The following MYRFL variants were observed in gnomAD, a reference collection of about 807,000 sequenced individuals.
The protein encoded by MYRFL is myelin regulatory factor-like protein.
A neutral mutation model predicts 109.4 loss-of-function variants in MYRFL; 88 were observed. That is an observed-to-expected ratio of 0.80 (90% confidence interval 0.68 to 0.96). MYRFL has a LOEUF of 0.96. Among genes scored for constraint, MYRFL ranks in the 40% least tolerant of loss-of-function variants. MYRFL has a pLI of 0.00. For synonymous variants in MYRFL, 324 were observed against 320.9 expected (o/e 1.01, Z -0.10); for missense variants, 957 against 954.9 (o/e 1.00, Z -0.03).
At chr12:69,887,859 A>G (rs1023368798) in intron 6 of MYRFL, among the ~76,000 whole-genome samples, 3 of 152,112 alleles carry the variant, frequency 2.0e-5, no homozygotes, top group African/African-American at 7.2e-5. Flanking sequence ...AAATGTCATG[A>G]CTTTGTGTCT....
chr12:69,861,305 T>A (rs1189110610), intron 2 of MYRFL, among the ~76,000 whole-genome samples: 1 of 152,152 alleles, frequency 6.6e-6, no homozygotes, highest in African/African-American at 2.4e-5. Context: ...TAGTTCTAGA[T>A]CCCTGAGGAA....
chr12:69,918,200 T>C (rs999982127), intron 13 of MYRFL, among the ~76,000 whole-genome samples: 2 of 152,166 alleles, frequency 1.3e-5, no homozygotes, highest in Non-Finnish European at 1.5e-5. Flanking sequence ...GGCTTGGAAG[T>C]GGCCCCTCCA....
intron 14 of MYRFL, 69 bp downstream of exon 14, chr12:69,926,803 C>A: frequency 7.9e-7 from 1 of 1,263,428 alleles, no homozygotes; most frequent in African/African-American, 1.5e-5. Context: ...AGAATAAGAT[C>A]AATCTAAATG....
At chr12:69,914,495 C>T (rs1056751955) in intron 13 of MYRFL, among the ~76,000 whole-genome samples, 3 of 152,114 alleles carry the variant, frequency 2.0e-5, no homozygotes, top group Non-Finnish European at 2.9e-5. Flanking sequence ...CTAGAACACT[C>T]GAAGTGTTCC....
At chr12:69,831,698 T>C (rs1169605810) in intron 1 of MYRFL, among the ~76,000 whole-genome samples, 1 of 152,168 alleles carries the variant, frequency 6.6e-6, no homozygotes, top group Non-Finnish European at 1.5e-5. Flanking sequence ...TATTATTTTC[T>C]CCGTTTAGCA....
chr12:69,858,119 G>A (rs1884413175), intron 2 of MYRFL, among the ~76,000 whole-genome samples: 2 of 151,638 alleles, frequency 1.3e-5, no homozygotes, highest in South Asian at 4.2e-4. Flanking sequence ...TTGATTATAT[G>A]TTTTTTCTTC....
chr12:69,834,276 A>G (rs909718993), intron 1 of MYRFL, among the ~76,000 whole-genome samples: 2 of 152,202 alleles, frequency 1.3e-5, no homozygotes, highest in Non-Finnish European at 2.9e-5. Context: ...ATAAGAAGTA[A>G]TGTGTTCTGA....
At chr12:69,918,352 T>C (rs1954813100) in intron 13 of MYRFL, among the ~76,000 whole-genome samples, 1 of 151,976 alleles carries the variant, frequency 6.6e-6, no homozygotes, top group African/African-American at 2.4e-5. Flanking sequence ...TTAGGGCCTG[T>C]AGAGGAAGAA....
chr12:69,889,218 G>C (rs1191049733), intron 6 of MYRFL, among the ~76,000 whole-genome samples: 2 of 151,744 alleles, frequency 1.3e-5, no homozygotes, highest in African/African-American at 4.8e-5. Context: ...CTTCTTTCTT[G>C]AGAAGAAACC....
chr12:69,857,581 T>A (rs1260337425), intron 2 of MYRFL, among the ~76,000 whole-genome samples: 1 of 151,850 alleles, frequency 6.6e-6, no homozygotes, highest in Non-Finnish European at 1.5e-5. Context: ...TTTTATAGTT[T>A]TCAACATAAA....
intron 1 of MYRFL, among the ~76,000 whole-genome samples, chr12:69,848,054 T>G (rs1883660811): frequency 1.3e-5 from 2 of 152,128 alleles, no homozygotes; most frequent in Non-Finnish European, 2.9e-5. Context: ...GGTGTAGAGG[T>G]GAGACTCTAG....
intron 21 of MYRFL, 88 bp from the exon 22 acceptor site, chr12:69,955,275 T>C (rs1592905474): frequency 2.1e-6 from 1 of 474,578 alleles, no homozygotes; most frequent in East Asian, 3.3e-5. Flanking sequence ...ATTTCACAGT[T>C]TTTATGGTAT....
chr12:69,841,936 G>C (rs1318014491), intron 1 of MYRFL, among the ~76,000 whole-genome samples: 1 of 152,122 alleles, frequency 6.6e-6, no homozygotes, highest in Non-Finnish European at 1.5e-5. Context: ...TCCTCTGTGA[G>C]GTAGATGCTT....
At chr12:69,888,346 C>T (rs964072043) in intron 6 of MYRFL, among the ~76,000 whole-genome samples, 2 of 152,156 alleles carry the variant, frequency 1.3e-5, no homozygotes, top group African/African-American at 2.4e-5. Context: ...ATCAATGAGA[C>T]AGAAAAACAC....
chr12:69,918,426 G>A (rs972815448), intron 13 of MYRFL, among the ~76,000 whole-genome samples: 4 of 152,234 alleles, frequency 2.6e-5, no homozygotes, highest in Non-Finnish European at 4.4e-5. Flanking sequence ...CAAGCACAGT[G>A]TCAAGTGAAC....
chr12:69,827,560 G>A (rs1882360828), intron 1 of MYRFL, among the ~76,000 whole-genome samples: 2 of 151,928 alleles, frequency 1.3e-5, no homozygotes, highest in African/African-American at 4.8e-5. Flanking sequence ...CATGTGAGAT[G>A]TTTGGTTTTT....
intron 10 of MYRFL, among the ~76,000 whole-genome samples, chr12:69,900,853 A>G (rs1244502077): frequency 6.6e-6 from 1 of 152,216 alleles, no homozygotes; most frequent in African/African-American, 2.4e-5. Flanking sequence ...TCCCCCTGGA[A>G]TTGTGCAACT....
chr12:69,946,234 A>G (rs1955836277), intron 19 of MYRFL, among the ~76,000 whole-genome samples: 1 of 152,138 alleles, frequency 6.6e-6, no homozygotes, highest in African/African-American at 2.4e-5. Flanking sequence ...CCATGGTGCC[A>G]GGCTGTGTCC....
At chr12:69,958,344 TCTTTTC>T in intron 24 of MYRFL, 21 bp downstream of exon 24, 1 of 1,532,814 alleles carries the variant, frequency 6.5e-7, no homozygotes, top group African/African-American at 1.4e-5. Context: ...TTTTTCTTTT[TCTTTTC>T]AGTGAGAAAG....
Sources: allele counts gnomAD v4.1 joint callset (sites outside exome capture counted in the v4.1 genomes callset), GRCh38; gene constraint gnomAD v4.1.1; transcripts MANE v1.5; gene names NCBI Gene and HGNC (gene_info 2026-07-23, HGNC 2026-07-21).